Variants in STK32A observed in about 807,000 individuals in gnomAD.
STK32A encodes the protein serine/threonine kinase 32A.
STK32A carries 41 observed loss-of-function variants against 53.2 expected under a neutral mutation model. The ratio of observed to expected loss-of-function variants is 0.77; its 90% CI spans 0.60 to 1.00. STK32A has a LOEUF of 1.00. Among genes scored for constraint, STK32A ranks in the 50% least tolerant of loss-of-function variants. STK32A has a pLI of 0.00. For missense variants in STK32A, 458 were observed against 485.8 expected, an observed-to-expected ratio of 0.94 and a Z score of 0.54; for synonymous variants, 166 against 162.8, an observed-to-expected ratio of 1.02 and a Z score of -0.15.
intron 4 of STK32A, among the ~76,000 whole-genome samples, chr5:147,303,587 T>G (rs1160811349): frequency 6.6e-6 from 1 of 152,156 alleles, no homozygotes; most frequent in Non-Finnish European, 1.5e-5. Flanking sequence ...AAGTCAACAT[T>G]GCAAAAAGCC....
downstream of STK32A, among the ~76,000 whole-genome samples, chr5:147,388,836 A>T (rs1757732520): frequency 1.3e-5 from 2 of 152,200 alleles, no homozygotes; most frequent in African/African-American, 2.4e-5. Flanking sequence ...AAACCACTTC[A>T]TGCCTTTCAG....
rs1451388097 is a variant in STK32A, at chr5:147,350,860, T to C, written c.473-205T>C. Among the ~76,000 whole-genome samples the C allele has an allele frequency of 2.0e-5, 3 of 152,182 alleles. No homozygotes were observed. In the East Asian group the frequency reaches 5.8e-4, roughly 29 times the overall value. On this transcript the variant is annotated intron_variant, in intron 6 of 12. Coordinates refer to ENST00000397936, the MANE Select transcript of STK32A (RefSeq NM_001112724.2). ...TACTAAGGGTAAAACTTTCTGAGGC[T>C]GAACTACAGGCTTACAATCAGAGAC...
chr5:147,239,077 G>A (rs796980598), intron 1 of STK32A, among the ~76,000 whole-genome samples: 1 of 152,172 alleles, frequency 6.6e-6, no homozygotes, highest in South Asian at 2.1e-4. Context: ...CAATTTGCTG[G>A]TGTGGTCAAG....
intron 2 of STK32A, among the ~76,000 whole-genome samples, chr5:147,257,469 T>A (rs1354949139): frequency 6.6e-6 from 1 of 152,168 alleles, no homozygotes; most frequent in Non-Finnish European, 1.5e-5. Flanking sequence ...GACTTGGTTA[T>A]GTTAATAACT....
chr5:147,383,982 A>G lies in STK32A; in HGVS notation c.1190A>G (p.Ter397=), dbSNP rs775079045. The change falls in exon 13 of 13, where the codon TAA becomes TGA. Residue 397 remains the stop codon, a stop_retained_variant. Coordinates refer to ENST00000397936, the MANE Select transcript of STK32A (RefSeq NM_001112724.2). ...QGEDGQNNNL[*] is the part of the protein sequence containing the mutation. ...GAGGATGGTCAGAATAACAACTTGTAAAGGCCTCATGTCTTCTTCTTGGGA... is the reference window on the plus strand; with the variant it reads ...GAGGATGGTCAGAATAACAACTTGTGAAGGCCTCATGTCTTCTTCTTGGGA... 1 of 1,602,506 alleles carries G rather than the reference A, an allele frequency of 6.2e-7. No homozygotes were observed. Among genetic ancestry groups the G allele is most frequent in the East Asian group, 2.3e-5 (1 of 44,396 alleles).
chr5:147,340,784 G>A (rs905449782), intron 5 of STK32A, among the ~76,000 whole-genome samples: 2 of 151,872 alleles, frequency 1.3e-5, no homozygotes, highest in Non-Finnish European at 2.9e-5. Context: ...CTATGTCATG[G>A]TTCTTTACGA....
chr5:147,338,421 T>G (rs1755245113), intron 5 of STK32A, among the ~76,000 whole-genome samples: 1 of 152,146 alleles, frequency 6.6e-6, no homozygotes, highest in Non-Finnish European at 1.5e-5. Context: ...TTACCCAGTC[T>G]TGGGTATGTC....
At chr5:147,400,611 G>A in the STK32A span, 1 of 1,549,852 alleles carries the variant, frequency 6.5e-7, no homozygotes, top group Non-Finnish European at 8.8e-7. Context: ...AGTGTCACCA[G>A]CCCAACTGGT....
chr5:147,309,393 A>C (rs1753579629), intron 4 of STK32A, among the ~76,000 whole-genome samples: 1 of 152,180 alleles, frequency 6.6e-6, no homozygotes, highest in Non-Finnish European at 1.5e-5. Flanking sequence ...TTAGTAGAGA[A>C]TTAGAATAGG....
chr5:147,252,279 T>C (rs945936995), intron 2 of STK32A, among the ~76,000 whole-genome samples: 3 of 152,224 alleles, frequency 2.0e-5, no homozygotes, highest in Non-Finnish European at 4.4e-5. Flanking sequence ...TTATAAAATA[T>C]TGAAGTTTTT....
chr5:147,342,962 C>A (rs777066336), intron 5 of STK32A, 44 bp from the exon 6 acceptor site: 1 of 1,604,706 alleles, frequency 6.2e-7, no homozygotes, highest in South Asian at 1.1e-5. Context: ...TAGTTCTGTT[C>A]GTTTTATTGT....
chr5:147,252,990 C>T (rs991304442), intron 2 of STK32A, among the ~76,000 whole-genome samples: 7 of 152,078 alleles, frequency 4.6e-5, no homozygotes, highest in African/African-American at 1.2e-4. Context: ...GGATGATATT[C>T]AATATACTTT....
intron 2 of STK32A, among the ~76,000 whole-genome samples, chr5:147,253,933 C>T (rs1012566530): frequency 1.3e-5 from 2 of 152,186 alleles, no homozygotes; most frequent in African/African-American, 4.8e-5. Flanking sequence ...AAATAATTCA[C>T]AGCAGAAACT....
At chr5:147,333,701 C>T (rs1326217045) in intron 5 of STK32A, among the ~76,000 whole-genome samples, 2 of 152,130 alleles carry the variant, frequency 1.3e-5, no homozygotes, top group Non-Finnish European at 2.9e-5. Flanking sequence ...TACCCATTTG[C>T]TTTGAGTTAT....
At position 147,387,272 on chromosome 5, in the gene STK32A, A is replaced by G. The variant is rs980528188; in HGVS notation, c.*3289A>G. ...GAAGTCGTCTGCTAATGGCTAACCC[A>G]CTGCCATGGTGGCACTGGTTTTGCC... On this transcript the variant is annotated 3_prime_UTR_variant, in exon 13 of 13. Transcript: ENST00000397936. 6.6e-6 allele frequency: 1 copy of G among 152,268 alleles called. No homozygotes were observed. Among genetic ancestry groups the G allele is most frequent in the South Asian group, 2.1e-4 (1 of 4,832 alleles). The allele number at this position is 152,268 out of a possible 1,614,324, so 9.4% of individuals were successfully genotyped here. A position where few individuals can be genotyped will look rare whatever the true frequency, so the allele number is the denominator to read the frequency against.
At chr5:147,305,131 A>T (rs1753340478) in intron 4 of STK32A, among the ~76,000 whole-genome samples, 1 of 152,096 alleles carries the variant, frequency 6.6e-6, no homozygotes, top group Admixed American at 6.6e-5. Context: ...TTGTTGCAGA[A>T]CTTTCTCCTT....
At chr5:147,359,785 G>C (rs1756411620) in intron 7 of STK32A, among the ~76,000 whole-genome samples, 1 of 152,192 alleles carries the variant, frequency 6.6e-6, no homozygotes, top group Non-Finnish European at 1.5e-5. Context: ...GAATGCACTA[G>C]GGAAATAGCC....
chr5:147,293,030 T>C (rs938287911), intron 4 of STK32A, among the ~76,000 whole-genome samples: 25 of 152,216 alleles, frequency 1.6e-4, no homozygotes, highest in Non-Finnish European at 4.4e-5. Context: ...TTCAGAAACT[T>C]GTATTCGAGA....
Position 147,270,260 on chromosome 5 carries a change from A to G in STK32A, c.53-7864A>G, listed in dbSNP as rs559492160. Among the ~76,000 whole-genome samples the G allele has an allele frequency of 3.7e-4, 56 of 152,262 alleles. 2 individuals carry two copies. The South Asian group carries it at 8.9e-3, about 24-fold the overall frequency. On this transcript the variant is annotated intron_variant, in intron 2 of 12. Coordinates refer to ENST00000397936, the MANE Select transcript of STK32A (RefSeq NM_001112724.2). ...GTCTCTGTCACCCAGGCTGGGGTGC[A>G]GTGGTGCGATCACAGCTTACTGCAG...
Sources: allele counts gnomAD v4.1 joint callset (sites outside exome capture counted in the v4.1 genomes callset), GRCh38; gene constraint gnomAD v4.1.1; transcripts MANE v1.5; gene names NCBI Gene and HGNC (gene_info 2026-07-23, HGNC 2026-07-21).